KPNA3: variants seen among roughly 807,000 people sequenced by gnomAD.
KPNA3 encodes karyopherin subunit alpha 3.
KPNA3 carries 13 observed loss-of-function variants against 73.8 expected under a neutral mutation model. The ratio of observed to expected loss-of-function variants is 0.18; its 90% CI spans 0.11 to 0.28. The LOEUF (loss-of-function observed/expected upper bound fraction) is 0.28. KPNA3 is among the 10% of genes least tolerant of loss of function. KPNA3 has a pLI of 1.00. For synonymous variants in KPNA3, 186 were observed against 206.9 expected (o/e 0.90, Z 0.87); for missense variants, 360 against 618.1 (o/e 0.58, Z 4.43).
intron 1 of KPNA3, among the ~76,000 whole-genome samples, chr13:49,781,379 A>G (rs949160274): frequency 6.6e-6 from 1 of 152,136 alleles, no homozygotes; most frequent in African/African-American, 2.4e-5. Flanking sequence ...CCCCTTCCTA[A>G]CTGTATGTTC....
chr13:49,769,362 T>G (rs1419729083), intron 1 of KPNA3, among the ~76,000 whole-genome samples: 2 of 152,226 alleles, frequency 1.3e-5, no homozygotes, highest in African/African-American at 4.8e-5. Context: ...CAGAGTTGTA[T>G]AACCATCACC....
intron 16 of KPNA3, 137 bp from the exon 17 acceptor site, chr13:49,702,035 T>A (rs1954153130): frequency 3.3e-6 from 2 of 597,580 alleles, no homozygotes; most frequent in East Asian, 5.9e-5. Context: ...AGTAAATCAA[T>A]AATTTTATTA....
At chr13:49,706,641 G>C (rs1407912229) in intron 12 of KPNA3, among the ~76,000 whole-genome samples, 1 of 152,170 alleles carries the variant, frequency 6.6e-6, no homozygotes, top group African/African-American at 2.4e-5. Context: ...AGGAAATGGT[G>C]ATTTTATAGA....
At chr13:49,755,957 T>C (rs904794648) in intron 1 of KPNA3, among the ~76,000 whole-genome samples, 2 of 151,788 alleles carry the variant, frequency 1.3e-5, no homozygotes, top group African/African-American at 4.8e-5. Context: ...AATGAACACA[T>C]AGACACTGAA....
chr13:49,767,262 C>T (rs1184348715), intron 1 of KPNA3, among the ~76,000 whole-genome samples: 3 of 151,568 alleles, frequency 2.0e-5, no homozygotes, highest in Admixed American at 6.6e-5. Flanking sequence ...ACTAAAAACA[C>T]AAAAACTAGC....
intron 7 of KPNA3, among the ~76,000 whole-genome samples, chr13:49,722,906 T>C (rs1469480914): frequency 2.7e-5 from 4 of 145,488 alleles, no homozygotes; most frequent in African/African-American, 7.6e-5. Context: ...GTCTACAAAA[T>C]CTCAATTCCT....
intron 10 of KPNA3, among the ~76,000 whole-genome samples, chr13:49,713,652 C>T (rs1013992968): frequency 6.7e-6 from 1 of 150,302 alleles, no homozygotes; most frequent in Non-Finnish European, 1.5e-5. Flanking sequence ...CACACACACA[C>T]ACACACACAC....
intron 2 of KPNA3, among the ~76,000 whole-genome samples, chr13:49,743,497 T>C (rs1412970436): frequency 1.3e-5 from 2 of 152,170 alleles, no homozygotes; most frequent in African/African-American, 2.4e-5. Context: ...TTGAGATTTC[T>C]TTAGTTAATT....
At chr13:49,711,054 C>T in intron 10 of KPNA3, 32 bp from the exon 11 acceptor site, 3 of 1,582,964 alleles carry the variant, frequency 1.9e-6, no homozygotes, top group Non-Finnish European at 2.6e-6. Context: ...AACCATTTTA[C>T]ATATTTGTTT....
chr13:49,733,085 A>G, intron 2 of KPNA3, 39 bp from the exon 3 acceptor site: 2 of 1,249,434 alleles, frequency 1.6e-6, no homozygotes, highest in Non-Finnish European at 2.3e-6. Flanking sequence ...AGTCATAAGG[A>G]CTACTGTTAA....
At chr13:49,733,298 T>TTTTG (rs1183020018) in intron 2 of KPNA3, among the ~76,000 whole-genome samples, 5 of 147,922 alleles carry the variant, frequency 3.4e-5, no homozygotes, top group Non-Finnish European at 7.5e-5. Flanking sequence ...TTTTTTTTTT[T>TTTTG]TTTTTGGAGA....
intron 1 of KPNA3, among the ~76,000 whole-genome samples, chr13:49,785,049 G>A (rs1954970776): frequency 6.6e-6 from 1 of 152,126 alleles, no homozygotes; most frequent in South Asian, 2.1e-4. Flanking sequence ...CAGCAAGATG[G>A]CCCTGAGAAT....
At chr13:49,783,899 A>T (rs1954960709) in intron 1 of KPNA3, among the ~76,000 whole-genome samples, 1 of 152,198 alleles carries the variant, frequency 6.6e-6, no homozygotes, top group African/African-American at 2.4e-5. Flanking sequence ...ACTACCACCA[A>T]CTGAAGTTTA....
chr13:49,714,175 T>C (rs1954285416), intron 10 of KPNA3, among the ~76,000 whole-genome samples: 1 of 151,958 alleles, frequency 6.6e-6, no homozygotes. Flanking sequence ...CAGTGTAAAC[T>C]ACGGATTTTG....
intron 12 of KPNA3, 77 bp from the exon 13 acceptor site, chr13:49,706,449 G>T: frequency 1.0e-6 from 1 of 968,876 alleles, no homozygotes; most frequent in Non-Finnish European, 1.5e-6. Context: ...ATTTTATATA[G>T]ACAATAACAA....
At chr13:49,730,763 T>TCCCCCCC (rs1331058332) in intron 6 of KPNA3, among the ~76,000 whole-genome samples, 1 of 67,134 alleles carries the variant, frequency 1.5e-5, no homozygotes, top group African/African-American at 7.2e-5. Flanking sequence ...ATGCTATCCC[T>TCCCCCCC]CCCCCCTCCC....
At chr13:49,787,803 C>T (rs1349493772) in intron 1 of KPNA3, among the ~76,000 whole-genome samples, 3 of 152,102 alleles carry the variant, frequency 2.0e-5, no homozygotes, top group African/African-American at 7.2e-5. Flanking sequence ...CCTCAGCCTC[C>T]CGTGTAGCTG....
chr13:49,746,089 C>T (rs982517979), intron 2 of KPNA3, among the ~76,000 whole-genome samples: 2 of 140,948 alleles, frequency 1.4e-5, no homozygotes, highest in African/African-American at 2.6e-5. Flanking sequence ...AAAAAAGAAA[C>T]GTGTAAAGAA....
chr13:49,702,694 T>C (rs1272340017), intron 15 of KPNA3, among the ~76,000 whole-genome samples: 1 of 152,124 alleles, frequency 6.6e-6, no homozygotes, highest in African/African-American at 2.4e-5. Context: ...TTAGAAGCCC[T>C]TGAGGTACCC....
Sources: gnomAD v4.1 joint callset for allele counts (sites outside exome capture counted in the v4.1 genomes callset) on GRCh38, gnomAD v4.1.1 for gene constraint, MANE v1.5 for transcripts, NCBI Gene and HGNC (gene_info 2026-07-23, HGNC 2026-07-21) for gene names.